PYGB: variants seen among roughly 807,000 people sequenced by gnomAD.
The protein encoded by PYGB is glycogen phosphorylase, brain form.
In PYGB, 82 loss-of-function variants were observed where a neutral mutation model predicts 94.3. The ratio of observed to expected loss-of-function variants is 0.87; its 90% CI spans 0.73 to 1.04. The LOEUF (loss-of-function observed/expected upper bound fraction) is 1.04. Ranked by LOEUF, PYGB falls within the 50% of genes least tolerant of loss-of-function variation. The pLI, the probability that PYGB is intolerant of heterozygous loss-of-function variation, is 0.00. For synonymous variants in PYGB, 488 were observed against 479.1 expected (o/e 1.02, Z -0.24); for missense variants, 1,132 against 1,158.2 (o/e 0.98, Z 0.33).
chr20:25,296,264 A>G, intron 19 of PYGB, 106 bp from the exon 20 acceptor site: 1 of 1,409,544 alleles, frequency 7.1e-7, no homozygotes, highest in Non-Finnish European at 9.9e-7. Flanking sequence ...GATGGCCCCA[A>G]GGCTCGGAGC....
At chr20:25,281,859 C>T (rs1486433284) in intron 11 of PYGB, among the ~76,000 whole-genome samples, 174 bp from the exon 12 acceptor site, 1 of 152,068 alleles carries the variant, frequency 6.6e-6, no homozygotes, top group South Asian at 2.1e-4. Flanking sequence ...GTGCTGCCTT[C>T]GTATGGCTCC....
rs2092881931 is a variant in PYGB at position 25,249,659 on chromosome 20, G to A, written c.243+1238G>A. ...CATTCTTTTTTCTAAAATGGAGATGGTAAAAGGGACAGATTTGTTAGAATA... is the reference window on the plus strand; with the variant it reads ...CATTCTTTTTTCTAAAATGGAGATGATAAAAGGGACAGATTTGTTAGAATA... On this transcript the variant is annotated intron_variant, in intron 1 of 19. Coordinates refer to ENST00000216962, the MANE Select transcript of PYGB (RefSeq NM_002862.4). Among the ~76,000 whole-genome samples, 4 of 152,326 alleles carry A rather than the reference G, an allele frequency of 2.6e-5. No homozygotes were observed. The South Asian group carries it at 8.3e-4, about 32-fold the overall frequency.
intron 1 of PYGB, among the ~76,000 whole-genome samples, chr20:25,249,231 T>TA (rs138862114): frequency 0.2 from 29,838 of 152,236 alleles, 3,750 homozygotes; most frequent in Middle Eastern, 0.29. Context: ...ATAATGCACA[T>TA]ACAGTTTTTT....
At chr20:25,265,443 T>A (rs2088208097) in intron 2 of PYGB, among the ~76,000 whole-genome samples, 1 of 152,220 alleles carries the variant, frequency 6.6e-6, no homozygotes, top group African/African-American at 2.4e-5. Context: ...AAATGGTATG[T>A]TATAGTTTTT....
intron 2 of PYGB, among the ~76,000 whole-genome samples, chr20:25,266,985 G>T (rs148747294): frequency 6.6e-6 from 1 of 152,114 alleles, no homozygotes; most frequent in South Asian, 2.1e-4. Flanking sequence ...TCCATTCCAC[G>T]GTACAGGTCT....
In PYGB at chr20:25,248,230, G is replaced by T. The variant is rs2092876263; in HGVS notation, c.52G>T (p.Gly18Cys). 4.4e-6 allele frequency: 7 copies of T among 1,596,146 alleles called. No individual in the cohort carries two copies. Among genetic ancestry groups the T allele is most frequent in the African/African-American group, 1.4e-5 (1 of 73,282 alleles). ...GAAGCGGAAGCAGATCAGCGTGCGC[G>T]GCCTGGCGGGGCTAGGCGACGTGGC... is the stretch of plus-strand genomic sequence containing the variant. Reference protein sequence around the residue: ...SEKRKQISVRGLAGLGDVAEV... With the variant: ...SEKRKQISVRCLAGLGDVAEV... Residue 18 changes from glycine to cysteine, a missense_variant, in exon 1 of 20, where the codon GGC (glycine) becomes TGC (cysteine). Physicochemically the swap from Gly to Cys is radical, Grantham distance 159 (BLOSUM62 -3). Coordinates refer to ENST00000216962, the MANE Select transcript of PYGB (RefSeq NM_002862.4).
intron 9 of PYGB, among the ~76,000 whole-genome samples, chr20:25,279,397 C>T (rs986217826): frequency 3.9e-5 from 6 of 152,240 alleles, no homozygotes; most frequent in East Asian, 1.9e-4. Flanking sequence ...CAGGGTTTCC[C>T]GTTGGTGCAT....
chr20:25,264,366 G>C (rs1233142970), intron 2 of PYGB, among the ~76,000 whole-genome samples: 2 of 152,094 alleles, frequency 1.3e-5, no homozygotes, highest in Non-Finnish European at 2.9e-5. Flanking sequence ...AAAACTGGCA[G>C]AAGACGGATG....
intron 18 of PYGB, among the ~76,000 whole-genome samples, chr20:25,294,505 C>T (rs908349503): frequency 1.8e-4 from 28 of 152,218 alleles, no homozygotes; most frequent in African/African-American, 5.5e-4. Context: ...CCCTGGGCAG[C>T]GAGACACAGC....
intron 15 of PYGB, among the ~76,000 whole-genome samples, chr20:25,288,736 GC>G (rs751261593): frequency 3.9e-5 from 6 of 152,294 alleles, no homozygotes; most frequent in Non-Finnish European, 7.4e-5. Context: ...GCTTGCTGGT[GC>G]CCACCTCAGA....
At position 25,278,468 on chromosome 20, in the gene PYGB, T is replaced by C; in HGVS notation, c.999+6T>C. 6.2e-7 allele frequency: 1 copy of C among 1,613,940 alleles called. No individual in the cohort carries two copies. The highest frequency in any genetic ancestry group is 8.5e-7 in the Non-Finnish European group (1 of 1,179,880). On this transcript the variant is annotated splice_donor_region_variant and intron_variant, in intron 8 of 19. Coordinates refer to ENST00000216962, the MANE Select transcript of PYGB (RefSeq NM_002862.4). ...TCGAGACGTTCCCAGACAAGGTGCATGGTGGCCCTGGGAGGGATCTCAGTG... is the reference window on the plus strand; with the variant it reads ...TCGAGACGTTCCCAGACAAGGTGCACGGTGGCCCTGGGAGGGATCTCAGTG...
intron 2 of PYGB, among the ~76,000 whole-genome samples, chr20:25,266,289 T>C (rs995903207): frequency 6.6e-6 from 1 of 152,126 alleles, no homozygotes; most frequent in Non-Finnish European, 1.5e-5. Flanking sequence ...ACCAAAACAA[T>C]TCAGTGGAGA....
In PYGB at chr20:25,295,514, G is replaced by A. The variant is rs113167118; in HGVS notation, c.2313-90G>A. ...CTCCAGACAGGACCAGGTGGATGGTGCCTGGCCTCCTGCCCTGGGACTCTC... is the reference window on the plus strand; with the variant it reads ...CTCCAGACAGGACCAGGTGGATGGTACCTGGCCTCCTGCCCTGGGACTCTC... On this transcript the variant is annotated intron_variant, in intron 18 of 19. Coordinates refer to ENST00000216962, the MANE Select transcript of PYGB (RefSeq NM_002862.4). 1.7e-5 allele frequency: 24 copies of A among 1,430,174 alleles called. No individual in the cohort carries two copies. The African/African-American group carries it at 1.7e-4, about 10-fold the overall frequency. 88.6% of individuals were successfully genotyped at this position (1,430,174 alleles called of 1,614,324 possible).
At chr20:25,287,817 C>CA (rs2088430788) in intron 14 of PYGB, among the ~76,000 whole-genome samples, 1 of 152,158 alleles carries the variant, frequency 6.6e-6, no homozygotes, top group South Asian at 2.1e-4. Context: ...CTCATCTCTA[C>CA]AAAAAATTAA....
At chr20:25,284,349 G>A (rs766593592) in intron 14 of PYGB, 98 bp downstream of exon 14, 2 of 1,480,276 alleles carry the variant, frequency 1.4e-6, no homozygotes, top group Non-Finnish European at 1.8e-6. Context: ...TCATGGTGGG[G>A]GCTGTGTGTG....
Position 25,279,052 on chromosome 20 carries a change from T to C in PYGB, c.1000-5T>C. 1 of 1,610,624 alleles carries C rather than the reference T, an allele frequency of 6.2e-7. No homozygotes were observed. Among genetic ancestry groups the C allele is most frequent in the Non-Finnish European group, 8.5e-7 (1 of 1,177,368 alleles). On this transcript the variant is annotated splice_region_variant and splice_polypyrimidine_tract_variant and intron_variant, in intron 8 of 19. Coordinates refer to ENST00000216962, the MANE Select transcript of PYGB (RefSeq NM_002862.4). ...ACTGAATGGCACCCCTTGTGCGACC[T>C]TCAGGTGGCCATCCAGCTGAACGAC...
At chr20:25,283,318 C>T (rs1339586804) in intron 13 of PYGB, 41 bp downstream of exon 13, 2 of 1,552,998 alleles carry the variant, frequency 1.3e-6, no homozygotes, top group Non-Finnish European at 1.8e-6. Context: ...CCAGCCCTCC[C>T]ACAACCAGGC....
intron 1 of PYGB, among the ~76,000 whole-genome samples, chr20:25,253,012 A>G (rs2092892583): frequency 6.6e-6 from 1 of 152,242 alleles, no homozygotes; most frequent in African/African-American, 2.4e-5. Flanking sequence ...CTTGTTATGA[A>G]TAACAAAAGA....
At chr20:25,258,262 GC>G (rs965887984) in intron 1 of PYGB, among the ~76,000 whole-genome samples, 2 of 152,178 alleles carry the variant, frequency 1.3e-5, no homozygotes, top group African/African-American at 4.8e-5. Context: ...ACTACATGGT[GC>G]CGGTCAGCGT....
Sources: gnomAD v4.1 joint callset for allele counts (sites outside exome capture counted in the v4.1 genomes callset) on GRCh38, gnomAD v4.1.1 for gene constraint, MANE v1.5 for transcripts, NCBI Gene and HGNC (gene_info 2026-07-23, HGNC 2026-07-21) for gene names.